SLC26A5: variants seen among roughly 807,000 people sequenced by gnomAD.
SLC26A5 encodes the protein solute carrier family 26 member 5.
In SLC26A5, 51 loss-of-function variants were observed where a neutral mutation model predicts 81.0. That is an observed-to-expected ratio of 0.63 (90% confidence interval 0.50 to 0.80). SLC26A5 has a LOEUF of 0.80. Among genes scored for constraint, SLC26A5 ranks in the 30% least tolerant of loss-of-function variants. SLC26A5 has a pLI of 0.00. For missense variants in SLC26A5, 771 were observed against 905.8 expected, an observed-to-expected ratio of 0.85 and a Z score of 1.91; for synonymous variants, 325 against 332.8, an observed-to-expected ratio of 0.98 and a Z score of 0.25.
chr7:103,376,908 C>T (rs1354112881), intron 18 of SLC26A5, 46 bp from the exon 19 acceptor site: 1 of 1,275,920 alleles, frequency 7.8e-7, no homozygotes, highest in Non-Finnish European at 1.1e-6. Context: ...TACTCTGTGC[C>T]AGATGAAAGT....
downstream of SLC26A5, among the ~76,000 whole-genome samples, chr7:103,369,661 CAG>C (rs1339935444): frequency 6.6e-6 from 1 of 152,146 alleles, no homozygotes. Context: ...AGAGATGAAA[CAG>C]ACATTTACCA....
At chr7:103,444,702 A>G (rs1187895568) in intron 1 of SLC26A5, among the ~76,000 whole-genome samples, 1 of 152,260 alleles carries the variant, frequency 6.6e-6, no homozygotes. Flanking sequence ...GAAATGCTAC[A>G]TAAGAGAATT....
At chr7:103,382,436 G>A (rs140070130) in intron 14 of SLC26A5, among the ~76,000 whole-genome samples, 2,315 of 135,226 alleles carry the variant, frequency 0.017, 52 homozygotes, top group African/African-American at 0.062. Context: ...TGCAACCTCC[G>A]CCTCCCGGGT....
At chr7:103,393,093 G>C in intron 9 of SLC26A5, 27 bp from the exon 10 acceptor site, 1 of 1,613,654 alleles carries the variant, frequency 6.2e-7, no homozygotes, top group South Asian at 1.1e-5. Context: ...CCTTTAACTT[G>C]TGTTGTGACC....
intron 19 of SLC26A5, chr7:103,362,790 A>ATT (rs773399950): frequency 2.0e-6 from 2 of 995,552 alleles, no homozygotes; most frequent in Non-Finnish European, 3.1e-6. Flanking sequence ...AAGGAAGGCT[A>ATT]TGTCTTTTTT....
downstream of SLC26A5, among the ~76,000 whole-genome samples, chr7:103,370,125 T>C (rs1488713954): frequency 6.6e-6 from 1 of 152,220 alleles, no homozygotes; most frequent in African/African-American, 2.4e-5. Context: ...AATACTTTTA[T>C]AGTTCTCAAA....
In SLC26A5 at chr7:103,358,566, G is replaced by GTT. The variant is rs572571768; in HGVS notation, c.2042-5642_2042-5641dup. Reference sequence around the variant, plus strand: ...TTTATCTTTGAATTTTTCTGTTGATGTTTTTTTCCTCCCATTTTTCTTCTC... The same window carrying GTT: ...TTTATCTTTGAATTTTTCTGTTGATGTTTTTTTTTCCTCCCATTTTTCTTCTC... On this transcript the variant is annotated intron_variant, in intron 19 of 19. Transcript: ENST00000339444. 1.9e-3 allele frequency among the ~76,000 whole-genome samples: 288 copies of GTT among 151,594 alleles called. 3 individuals are homozygous for GTT. Among genetic ancestry groups the GTT allele is most frequent in the African/African-American group, 6.7e-3 (279 of 41,370 alleles).
intron 19 of SLC26A5, among the ~76,000 whole-genome samples, chr7:103,353,178 T>C (rs957736895): frequency 1.3e-5 from 2 of 152,200 alleles, no homozygotes; most frequent in Admixed American, 1.3e-4. Context: ...TAAGTGATTT[T>C]TATATAAAAA....
At chr7:103,398,752 A>G (rs985132685) in intron 8 of SLC26A5, among the ~76,000 whole-genome samples, 116 of 152,190 alleles carry the variant, frequency 7.6e-4, no homozygotes, top group Admixed American at 1.5e-3. Flanking sequence ...AAGAAATTAG[A>G]GCTGGCCAGG....
At chr7:103,432,715 C>T (rs761610751) in intron 2 of SLC26A5, among the ~76,000 whole-genome samples, 1 of 152,086 alleles carries the variant, frequency 6.6e-6, no homozygotes, top group African/African-American at 2.4e-5. Context: ...TTTGCTGACA[C>T]TCCCTTGCAG....
Position 103,421,438 on chromosome 7 carries a change from G to A in SLC26A5, c.77C>T (p.Pro26Leu), listed in dbSNP as rs746814046. 1.7e-5 allele frequency: 27 copies of A among 1,613,944 alleles called. No individual in the cohort carries two copies. Among genetic ancestry groups the A allele is most frequent in the Non-Finnish European group, 2.2e-5 (26 of 1,179,870 alleles). ...TGTGTGTAGTCTTTCCTGGAGGACCGGATGACTAAAGATAGGCCTTTCCAC... is the reference window on the plus strand; with the variant it reads ...TGTGTGTAGTCTTTCCTGGAGGACCAGATGACTAAAGATAGGCCTTTCCAC... ...YYVERPIFSH[P>L]VLQERLHTKD... Residue 26 changes from proline to leucine, a missense_variant, in exon 3 of 20, where the codon CCG (proline) becomes CTG (leucine). Pro to Leu is a moderately conservative substitution (Grantham distance 98). Transcript: ENST00000306312.
intron 14 of SLC26A5, among the ~76,000 whole-genome samples, chr7:103,386,336 G>A (rs1213857966): frequency 6.6e-6 from 1 of 151,978 alleles, no homozygotes; most frequent in African/African-American, 2.4e-5. Flanking sequence ...GGGAGTCCGA[G>A]GTGGGCAGAT....
intron 4 of SLC26A5, among the ~76,000 whole-genome samples, chr7:103,416,868 A>C (rs1824952455): frequency 6.6e-6 from 1 of 152,134 alleles, no homozygotes; most frequent in South Asian, 2.1e-4. Flanking sequence ...CTTAACACAA[A>C]ATCTTTTTGG....
At chr7:103,365,862 A>C (rs564761384) in intron 19 of SLC26A5, among the ~76,000 whole-genome samples, 1 of 152,226 alleles carries the variant, frequency 6.6e-6, no homozygotes, top group South Asian at 2.1e-4. Flanking sequence ...CAGGCGGCAG[A>C]GGTTGCAGTG....
intron 19 of SLC26A5, among the ~76,000 whole-genome samples, chr7:103,357,481 A>G (rs76867305): frequency 0.048 from 7,341 of 151,968 alleles, 234 homozygotes; most frequent in African/African-American, 0.081. Flanking sequence ...TATCTTGTGT[A>G]TTATAGATTC....
rs764212097 is a variant in SLC26A5, at chr7:103,407,837, C to T, written c.888+14G>A. The T allele has an allele frequency of 8.7e-6, 14 of 1,613,646 alleles. 1 individual carries two copies. The highest frequency in any genetic ancestry group is 4.4e-5 in the South Asian group (4 of 91,020). On this transcript the variant is annotated intron_variant, in intron 8 of 19. Coordinates refer to ENST00000306312, the MANE Select transcript of SLC26A5 (RefSeq NM_198999.3). ...TGTAGAAGCCGAGTAGGTCACTGAC[C>T]GAAGGTGACTTACCGCAAAGAACTC...
intron 19 of SLC26A5, among the ~76,000 whole-genome samples, chr7:103,365,530 G>A (rs1416086920): frequency 1.3e-5 from 2 of 152,198 alleles, no homozygotes; most frequent in Non-Finnish European, 2.9e-5. Flanking sequence ...TCGGGAGGCC[G>A]AGGCATGAGA....
intron 19 of SLC26A5, among the ~76,000 whole-genome samples, chr7:103,360,603 G>A (rs572056600): frequency 2.6e-5 from 4 of 152,236 alleles, no homozygotes; most frequent in South Asian, 2.1e-4. Context: ...ACCTATGTGC[G>A]CACTCCACAG....
rs1318114579 is a variant in SLC26A5, at chr7:103,378,584, C to T, written c.1678-31G>A. 2.5e-6 allele frequency: 4 copies of T among 1,597,680 alleles called. 1 individual carries two copies. The highest frequency in any genetic ancestry group is 3.4e-6 in the Non-Finnish European group (4 of 1,165,158). On this transcript the variant is annotated intron_variant, in intron 16 of 19. Coordinates refer to ENST00000306312, the MANE Select transcript of SLC26A5 (RefSeq NM_198999.3). Reference sequence around the variant, plus strand: ...CAGAAGAGCACCATATGCAAAATCACTTCATGGCTCTCAGGGACCCACCCC... The same window carrying T: ...CAGAAGAGCACCATATGCAAAATCATTTCATGGCTCTCAGGGACCCACCCC...
Sources: gnomAD v4.1 joint callset for allele counts (sites outside exome capture counted in the v4.1 genomes callset) on GRCh38, gnomAD v4.1.1 for gene constraint, MANE v1.5 for transcripts, NCBI Gene and HGNC (gene_info 2026-07-23, HGNC 2026-07-21) for gene names.